The following UNC5B variants were observed in gnomAD, a reference collection of about 807,000 sequenced individuals.
UNC5B encodes unc-5 netrin receptor B.
UNC5B carries 56 observed loss-of-function variants against 103.7 expected under a neutral mutation model. The observed-to-expected ratio is 0.54, with a 90% CI of 0.44 to 0.67. The LOEUF is 0.67. Among genes scored for constraint, UNC5B ranks in the 30% least tolerant of loss-of-function variants. The probability of loss-of-function intolerance (pLI) is 0.00; values close to 1 mark genes in which losing one functional copy is unlikely to be tolerated. For synonymous variants in UNC5B, 577 were observed against 542.0 expected (o/e 1.06, Z -0.90); for missense variants, 1,194 against 1,284.5 (o/e 0.93, Z 1.08).
chr10:71,287,660 T>C lies in UNC5B; in HGVS notation c.796T>C (p.Trp266Arg). 6.2e-7 allele frequency: 1 copy of C among 1,612,984 alleles called. No individual in the cohort carries two copies. Among genetic ancestry groups the C allele is most frequent in the African/African-American group, 1.3e-5 (1 of 74,988 alleles). The change falls in exon 6 of 17, where the codon TGG (tryptophan) becomes CGG (arginine). Residue 266 changes from tryptophan to arginine, a missense_variant. Trp to Arg is a moderately radical substitution (Grantham distance 101, BLOSUM62 -3). Transcript: ENST00000335350. ...CTGCTCCAACCGCTGTGGCCGAGGC[T>C]GGCAGAAGCGCACCCGGACCTGCAC... ...SPCSNRCGRGWQKRTRTCTNP... is the reference protein window; with the variant it reads ...SPCSNRCGRGRQKRTRTCTNP...
At position 71,221,324 on chromosome 10, in the gene UNC5B, T is replaced by TC. The variant is rs553183293; in HGVS notation, c.79+8268dup. Among the ~76,000 whole-genome samples, 129 of 151,658 alleles carry TC rather than the reference T, an allele frequency of 8.5e-4. 3 individuals are homozygous for TC. The South Asian group carries it at 0.019, about 23-fold the overall frequency. On this transcript the variant is annotated intron_variant, in intron 1 of 16. Transcript: ENST00000335350. The stretch of plus-strand genomic sequence containing the variant: ...GGCATGTGCGAGAAGGGGCCTGTGG[T>TC]CCCCCCCCTTGTCACCCACTCCGAA...
chr10:71,253,588 C>T (rs538671115), intron 1 of UNC5B, among the ~76,000 whole-genome samples: 1 of 152,316 alleles, frequency 6.6e-6, no homozygotes, highest in Admixed American at 6.5e-5. Context: ...TCCACTCAGT[C>T]CCAGGGCAAG....
rs193225724 is a variant in UNC5B, at chr10:71,227,918, G to C, written c.79+14854G>C. Among the ~76,000 whole-genome samples the C allele has an allele frequency of 1.2e-4, 18 of 152,206 alleles. No homozygotes were observed. The East Asian group carries it at 3.5e-3, about 29-fold the overall frequency. The stretch of plus-strand genomic sequence containing the variant: ...GAAGTCAATTAGAAGCATTAGAAAG[G>C]GGTAAAGAAGAAGTAAAACTATTCC... On this transcript the variant is annotated intron_variant, in intron 1 of 16. Coordinates refer to ENST00000335350, the MANE Select transcript of UNC5B (RefSeq NM_170744.5).
At chr10:71,235,256 C>A (rs1344472297) in intron 1 of UNC5B, among the ~76,000 whole-genome samples, 1 of 152,222 alleles carries the variant, frequency 6.6e-6, no homozygotes, top group Non-Finnish European at 1.5e-5. Context: ...GGGGCCCAGA[C>A]CACAGAGAAA....
chr10:71,293,447 G>T lies in UNC5B; in HGVS notation c.1815G>T (p.Val605=). ...CCCAGACAGTATTGAGCCCCTCGGT[G>T]ACCTGTGGACCCACAGGCCTCCTGC... ...EGTQTVLSPS[V]TCGPTGLLLC... Residue 605 remains valine, a synonymous_variant, in exon 12 of 17, where the codon GTG becomes GTT. Coordinates refer to ENST00000335350, the MANE Select transcript of UNC5B (RefSeq NM_170744.5). 2.5e-6 allele frequency: 4 copies of T among 1,614,054 alleles called. No individual in the cohort carries two copies. The highest frequency in any genetic ancestry group is 3.4e-6 in the Non-Finnish European group (4 of 1,180,012).
chr10:71,219,566 C>T (rs1843410512), intron 1 of UNC5B, among the ~76,000 whole-genome samples: 1 of 152,302 alleles, frequency 6.6e-6, no homozygotes, highest in African/African-American at 2.4e-5. Flanking sequence ...CTGCCTTTCC[C>T]AGCCCACTGA....
At chr10:71,241,139 A>G (rs1239207606) in intron 1 of UNC5B, among the ~76,000 whole-genome samples, 2 of 152,224 alleles carry the variant, frequency 1.3e-5, no homozygotes, top group Non-Finnish European at 2.9e-5. Flanking sequence ...ACAGAGGAGA[A>G]AACTGAGGCT....
chr10:71,296,535 A>T (rs1333742286), intron 14 of UNC5B, 43 bp from the exon 15 acceptor site: 2 of 1,605,756 alleles, frequency 1.2e-6, no homozygotes, highest in Non-Finnish European at 1.7e-6. Flanking sequence ...AGGACAGGGC[A>T]GGCTGGCCTT....
At chr10:71,265,548 G>A (rs1222404136) in intron 1 of UNC5B, among the ~76,000 whole-genome samples, 1 of 152,232 alleles carries the variant, frequency 6.6e-6, no homozygotes, top group Non-Finnish European at 1.5e-5. Flanking sequence ...CTGGTGATGT[G>A]GCGATCCCCA....
chr10:71,230,654 A>G (rs1325031877), intron 1 of UNC5B, among the ~76,000 whole-genome samples: 1 of 152,248 alleles, frequency 6.6e-6, no homozygotes, highest in East Asian at 1.9e-4. Flanking sequence ...ATGGGTGGAC[A>G]GCTGGGACCA....
chr10:71,284,218 G>A (rs1845004205), intron 2 of UNC5B, among the ~76,000 whole-genome samples: 1 of 152,116 alleles, frequency 6.6e-6, no homozygotes, highest in Non-Finnish European at 1.5e-5. Flanking sequence ...AATCTGGCAG[G>A]GACTGGGAGG....
intron 1 of UNC5B, among the ~76,000 whole-genome samples, chr10:71,241,018 T>C (rs1452615558): frequency 6.6e-6 from 1 of 152,164 alleles, no homozygotes; most frequent in Non-Finnish European, 1.5e-5. Flanking sequence ...TGTCTGAGAG[T>C]CCATCATCAT....
intron 1 of UNC5B, among the ~76,000 whole-genome samples, chr10:71,274,913 A>G (rs2132294090): frequency 6.6e-6 from 1 of 152,352 alleles, no homozygotes; most frequent in African/African-American, 2.4e-5. Flanking sequence ...ACATTTTCAC[A>G]CATGAACAGA....
intron 1 of UNC5B, among the ~76,000 whole-genome samples, chr10:71,215,310 C>T (rs1367404242): frequency 6.6e-6 from 1 of 152,154 alleles, no homozygotes; most frequent in Non-Finnish European, 1.5e-5. Flanking sequence ...TGATTCAAGC[C>T]CAGCAGACCC....
chr10:71,294,839 C>T (rs1039441958), intron 13 of UNC5B, among the ~76,000 whole-genome samples: 4 of 152,032 alleles, frequency 2.6e-5, no homozygotes, highest in Non-Finnish European at 5.9e-5. Context: ...GTGTTAGCAC[C>T]ACTGTCCCCT....
At chr10:71,216,371 G>C (rs1843329665) in intron 1 of UNC5B, among the ~76,000 whole-genome samples, 1 of 152,154 alleles carries the variant, frequency 6.6e-6, no homozygotes, top group Non-Finnish European at 1.5e-5. Flanking sequence ...GAGTTGGAAG[G>C]GTGAAGAGGT....
At position 71,293,811 on chromosome 10, in the gene UNC5B, G is replaced by C; in HGVS notation, c.2053G>C (p.Glu685Gln). Residue 685 changes from glutamate to glutamine, a missense_variant, in exon 13 of 17, where the codon GAG becomes CAG. Coordinates refer to ENST00000335350, the MANE Select transcript of UNC5B (RefSeq NM_170744.5). ...GCTGGGCACCTACGTGTTCACGGGCGAGTCCTATTCCCGCTCAGCAGTCAA... is the reference window on the plus strand; with the variant it reads ...GCTGGGCACCTACGTGTTCACGGGCCAGTCCTATTCCCGCTCAGCAGTCAA... ...DQLGTYVFTG[E>Q]SYSRSAVKRL... 1 of 1,610,526 alleles carries C rather than the reference G, an allele frequency of 6.2e-7. No homozygotes were observed. The highest frequency in any genetic ancestry group is 8.5e-7 in the Non-Finnish European group (1 of 1,178,740).
chr10:71,220,374 T>C (rs1044569030), intron 1 of UNC5B, among the ~76,000 whole-genome samples: 1 of 152,162 alleles, frequency 6.6e-6, no homozygotes, highest in African/African-American at 2.4e-5. Flanking sequence ...GGAATCTGCC[T>C]AGCACTTCTG....
At chr10:71,294,073 C>T (rs113326142) in intron 13 of UNC5B, 140 bp downstream of exon 13, 12,683 of 757,004 alleles carry the variant, frequency 0.017, 176 homozygotes, top group Non-Finnish European at 0.02. Flanking sequence ...TTGCGACCCT[C>T]ACACACTGAA....
Sources: gnomAD v4.1 joint callset for allele counts (sites outside exome capture counted in the v4.1 genomes callset) on GRCh38, gnomAD v4.1.1 for gene constraint, MANE v1.5 for transcripts, NCBI Gene and HGNC (gene_info 2026-07-23, HGNC 2026-07-21) for gene names.